The following CCDC149 variants were observed in gnomAD, a reference collection of about 807,000 sequenced individuals.
CCDC149 encodes the protein coiled-coil domain containing 149, also known as coiled-coil domain-containing protein 149.
A neutral mutation model predicts 59.9 loss-of-function variants in CCDC149; 45 were observed. That is an observed-to-expected ratio of 0.75 (90% confidence interval 0.59 to 0.96). The LOEUF (loss-of-function observed/expected upper bound fraction) is 0.96. CCDC149 is among the 40% of genes least tolerant of loss of function. CCDC149 has a pLI of 0.00. For missense variants in CCDC149, 584 were observed against 664.7 expected, an observed-to-expected ratio of 0.88 and a Z score of 1.33; for synonymous variants, 245 against 260.6, an observed-to-expected ratio of 0.94 and a Z score of 0.58.
intron 1 of CCDC149, among the ~76,000 whole-genome samples, chr4:24,903,539 G>A (rs1464340502): frequency 6.6e-6 from 1 of 152,158 alleles, no homozygotes; most frequent in Admixed American, 6.5e-5. Context: ...ATAGCTAACT[G>A]TTTTGAATAA....
chr4:24,899,182 G>T (rs1430941098), intron 1 of CCDC149, among the ~76,000 whole-genome samples: 1 of 152,166 alleles, frequency 6.6e-6, no homozygotes, highest in Non-Finnish European at 1.5e-5. Context: ...ATGGTGACAC[G>T]GATGCCCTAT....
At position 24,837,250 on chromosome 4, in the gene CCDC149, C is replaced by T; in HGVS notation, c.640G>A (p.Asp214Asn). The change falls in exon 6 of 13, where the codon GAC becomes AAC. Residue 214 changes from aspartate to asparagine, a missense_variant. By Grantham distance (23) the Asp-to-Asn change is conservative. Coordinates refer to ENST00000635206, the MANE Select transcript of CCDC149 (RefSeq NM_001330643.2). This position sits in a 1 kb window ranked among gnomAD's most constrained non-coding sequence, Gnocchi z 4.3. ...TGCCTGTTCTCCATACACAGGGCGT[C>T]CACGTCAATGATGCGGTTCTCGTGC... The T allele has an allele frequency of 6.2e-7, 1 of 1,614,190 alleles. No individual in the cohort carries two copies. The highest frequency in any genetic ancestry group is 8.5e-7 in the Non-Finnish European group (1 of 1,180,020).
intron 1 of CCDC149, among the ~76,000 whole-genome samples, chr4:24,968,807 T>G (rs1265129003): frequency 6.6e-6 from 1 of 152,254 alleles, no homozygotes; most frequent in Non-Finnish European, 1.5e-5. Context: ...TATTGGGGCT[T>G]AACCTTGTGG....
At chr4:24,958,493 T>A (rs140134528) in intron 1 of CCDC149, among the ~76,000 whole-genome samples, 25 of 152,272 alleles carry the variant, frequency 1.6e-4, no homozygotes, top group African/African-American at 6.0e-4. Context: ...AACATTGAGA[T>A]CCACTAATTC....
chr4:24,893,481 C>T (rs915331294), intron 1 of CCDC149, among the ~76,000 whole-genome samples: 3 of 152,134 alleles, frequency 2.0e-5, no homozygotes, highest in Non-Finnish European at 4.4e-5. Flanking sequence ...ACAATCAGAA[C>T]TCTGTGTCAC....
downstream of CCDC149, among the ~76,000 whole-genome samples, chr4:24,803,644 T>C (rs1713986915): frequency 6.6e-6 from 1 of 152,216 alleles, no homozygotes; most frequent in Non-Finnish European, 1.5e-5. This position sits in a 1 kb window ranked among gnomAD's most constrained non-coding sequence, Gnocchi z 4.3. Flanking sequence ...TAAATGAAAC[T>C]ACAAAATAGC....
At chr4:24,948,520 C>T (rs954573016) in intron 1 of CCDC149, among the ~76,000 whole-genome samples, 20 of 152,178 alleles carry the variant, frequency 1.3e-4, no homozygotes, top group Admixed American at 5.9e-4. Flanking sequence ...ACTCCCTTGC[C>T]GGCCAGCTTC....
chr4:24,946,085 T>C (rs1420156323), intron 1 of CCDC149, among the ~76,000 whole-genome samples: 1 of 152,196 alleles, frequency 6.6e-6, no homozygotes, highest in African/African-American at 2.4e-5. Flanking sequence ...TACTTAACAG[T>C]CAAAGATAGA....
intron 12 of CCDC149, among the ~76,000 whole-genome samples, chr4:24,815,453 G>A (rs1714949585): frequency 6.6e-6 from 1 of 152,176 alleles, no homozygotes; most frequent in African/African-American, 2.4e-5. Flanking sequence ...TATTTAAAAG[G>A]AGTAAATTAC....
At chr4:24,927,551 G>A (rs1295934800) in intron 1 of CCDC149, among the ~76,000 whole-genome samples, 1 of 152,174 alleles carries the variant, frequency 6.6e-6, no homozygotes, top group Non-Finnish European at 1.5e-5. Context: ...CATAAAAATA[G>A]TTGTAACGTT....
chr4:24,929,710 T>G (rs2109341149), intron 1 of CCDC149, among the ~76,000 whole-genome samples: 1 of 152,316 alleles, frequency 6.6e-6, no homozygotes, highest in South Asian at 2.1e-4. Context: ...ATGTTTTGCC[T>G]AGAACACCCA....
At chr4:24,911,738 C>T (rs751847780) in intron 1 of CCDC149, among the ~76,000 whole-genome samples, 5 of 152,156 alleles carry the variant, frequency 3.3e-5, no homozygotes, top group East Asian at 1.9e-4. Flanking sequence ...AGAAACACAA[C>T]GCTCTGCACA....
At chr4:24,863,482 C>T (rs1718505845) in intron 3 of CCDC149, among the ~76,000 whole-genome samples, 2 of 152,198 alleles carry the variant, frequency 1.3e-5, no homozygotes, top group Admixed American at 1.3e-4. Context: ...GTTGAAACTG[C>T]CTTTGCAAAA....
intron 1 of CCDC149, among the ~76,000 whole-genome samples, chr4:24,885,120 G>A (rs1429222221): frequency 6.6e-6 from 1 of 152,194 alleles, no homozygotes; most frequent in African/African-American, 2.4e-5. Context: ...GCTGTGCCCA[G>A]ATAAAGCCAG....
At position 24,936,195 on chromosome 4, in the gene CCDC149, T is replaced by C. The variant is rs372424744; in HGVS notation, c.-64-41077A>G. Among the ~76,000 whole-genome samples the C allele has an allele frequency of 3.3e-5, 5 of 152,228 alleles. No individual in the cohort carries two copies. The East Asian group carries it at 9.7e-4, about 29-fold the overall frequency. On this transcript the variant is annotated intron_variant, in intron 1 of 12. Transcript: ENST00000389609. The stretch of plus-strand genomic sequence containing the variant: ...ATATACACAACTCTTTCCAAGACTT[T>C]CGCTTAAAAAGGCAGGGGAGAAATT...
intron 1 of CCDC149, among the ~76,000 whole-genome samples, chr4:24,949,671 A>G (rs1723224334): frequency 6.6e-6 from 1 of 152,158 alleles, no homozygotes; most frequent in South Asian, 2.1e-4. Context: ...CCAGAAAGAA[A>G]GGGCCCTGAG....
intron 1 of CCDC149, among the ~76,000 whole-genome samples, chr4:24,908,103 C>T: frequency 6.6e-6 from 1 of 152,196 alleles, no homozygotes; most frequent in East Asian, 1.9e-4. Flanking sequence ...GACCCTACTT[C>T]CAAATAAGGT....
Position 24,880,406 on chromosome 4 carries a change from C to T in CCDC149, c.64-3709G>A, listed in dbSNP as rs60086354. Among the ~76,000 whole-genome samples the T allele has an allele frequency of 1.4e-3, 208 of 152,260 alleles. 5 individuals are homozygous for T. The East Asian group carries it at 0.036, about 26-fold the overall frequency. ...CGGCACACTTCTCAGAAAGCAACCC[C>T]GTCATTAAGTGACACATGACTGTAT... On this transcript the variant is annotated intron_variant, in intron 1 of 12. Transcript: ENST00000635206.
intron 1 of CCDC149, among the ~76,000 whole-genome samples, chr4:24,965,061 A>C (rs1477115745): frequency 6.6e-6 from 1 of 151,288 alleles, no homozygotes; most frequent in Non-Finnish European, 1.5e-5. Flanking sequence ...GAAGTTCTCT[A>C]AGCAGAAAGA....
Sources: gnomAD v4.1 joint callset for allele counts (sites outside exome capture counted in the v4.1 genomes callset) on GRCh38, gnomAD v4.1.1 for gene constraint, Gnocchi (gnomAD v3.1) non-coding constraint, MANE v1.5 for transcripts, NCBI Gene and HGNC (gene_info 2026-07-23, HGNC 2026-07-21) for gene names.